CRACDL: variants seen among roughly 807,000 people sequenced by gnomAD.
CRACDL encodes CRACD-like protein.
Under a neutral mutation model 70.6 loss-of-function variants are expected in CRACDL, and 26 were observed. The ratio of observed to expected loss-of-function variants is 0.37; its 90% CI spans 0.27 to 0.51. The LOEUF (loss-of-function observed/expected upper bound fraction) is 0.51. Among genes scored for constraint, CRACDL ranks in the 20% least tolerant of loss-of-function variants. The probability of loss-of-function intolerance (pLI) is 0.94; values close to 1 mark genes in which losing one functional copy is unlikely to be tolerated. For missense variants in CRACDL, 1,283 were observed against 1,376.9 expected, an observed-to-expected ratio of 0.93 and a Z score of 1.08; for synonymous variants, 618 against 615.2, an observed-to-expected ratio of 1.00 and a Z score of -0.07.
chr2:98,826,943 C>A, intron 6 of CRACDL, 32 bp downstream of exon 6: 3 of 1,571,600 alleles, frequency 1.9e-6, no homozygotes, highest in Non-Finnish European at 2.6e-6. Context: ...CCTGCCTGGC[C>A]TGCCTCTGTG....
intron 1 of CRACDL, among the ~76,000 whole-genome samples, chr2:98,907,732 T>C (rs1708448796): frequency 6.6e-6 from 1 of 152,202 alleles, no homozygotes; most frequent in African/African-American, 2.4e-5. Context: ...TCGAAAACAG[T>C]TCCTTCATGC....
chr2:98,826,124 C>T (rs532538246), intron 6 of CRACDL, among the ~76,000 whole-genome samples: 7 of 152,278 alleles, frequency 4.6e-5, no homozygotes, highest in Admixed American at 2.0e-4. Flanking sequence ...ATGTGAACCT[C>T]GAACCTGCCA....
chr2:98,880,543 G>T (rs777068873), intron 1 of CRACDL, among the ~76,000 whole-genome samples: 5 of 152,172 alleles, frequency 3.3e-5, no homozygotes, highest in Admixed American at 1.3e-4. Flanking sequence ...CCCTTCTCTG[G>T]GCATCCTGAG....
At chr2:98,916,513 T>TTA (rs1553403734) in intron 1 of CRACDL, among the ~76,000 whole-genome samples, 3 of 152,052 alleles carry the variant, frequency 2.0e-5, no homozygotes, top group African/African-American at 7.3e-5. Context: ...CTGTTTTTTT[T>TTA]AAAAAATGCT....
At chr2:98,893,182 C>T (rs568614893) in intron 1 of CRACDL, among the ~76,000 whole-genome samples, 3 of 152,290 alleles carry the variant, frequency 2.0e-5, no homozygotes, top group East Asian at 1.9e-4. Flanking sequence ...CCTGAAAGTG[C>T]ACCTCTGTAG....
intron 6 of CRACDL, among the ~76,000 whole-genome samples, chr2:98,826,239 G>C (rs571535491): frequency 6.6e-6 from 1 of 152,186 alleles, no homozygotes; most frequent in Non-Finnish European, 1.5e-5. Flanking sequence ...GTCTTTCCGA[G>C]GCATGCTCCC....
chr2:98,847,005 T>C (rs1706286717), intron 1 of CRACDL, among the ~76,000 whole-genome samples, 195 bp from the exon 2 acceptor site: 1 of 152,236 alleles, frequency 6.6e-6, no homozygotes, highest in African/African-American at 2.4e-5. Flanking sequence ...CATAAGCGTT[T>C]AATCACTGAC....
intron 1 of CRACDL, among the ~76,000 whole-genome samples, chr2:98,858,406 T>C (rs1706794177): frequency 6.6e-6 from 1 of 151,050 alleles, no homozygotes; most frequent in South Asian, 2.1e-4. Flanking sequence ...TCCCAGCTAC[T>C]TGGGAGGCTG....
At position 98,794,466 on chromosome 2, in the gene CRACDL, C is replaced by T. The variant is rs1010720715; in HGVS notation, c.*66G>A. 7.2e-7 allele frequency: 1 copy of T among 1,391,858 alleles called. No homozygotes were observed. The highest frequency in any genetic ancestry group is 1.0e-6 in the Non-Finnish European group (1 of 988,342). 86.2% of individuals were successfully genotyped at this position (1,391,858 alleles called of 1,614,324 possible). A position where few individuals can be genotyped will look rare whatever the true frequency, so the allele number is the denominator to read the frequency against. ...GTTTCACAGTTTGTTTGCCACAATA[C>T]ACTGGCAGTTTTTAACTAAGTGGCT... On this transcript the variant is annotated 3_prime_UTR_variant, in exon 10 of 10. Transcript: ENST00000397899.
At chr2:98,927,014 G>A (rs1708923806) in intron 1 of CRACDL, among the ~76,000 whole-genome samples, 1 of 152,192 alleles carries the variant, frequency 6.6e-6, no homozygotes, top group Non-Finnish European at 1.5e-5. Context: ...GGAACTATTT[G>A]TGTGTGGCTT....
chr2:98,815,555 T>C (rs1423177810), intron 7 of CRACDL, among the ~76,000 whole-genome samples: 1 of 152,164 alleles, frequency 6.6e-6, no homozygotes, highest in African/African-American at 2.4e-5. Flanking sequence ...CCAACCACCA[T>C]ACCTGTTGCT....
chr2:98,887,768 T>C (rs374612985), intron 1 of CRACDL, among the ~76,000 whole-genome samples: 4 of 152,232 alleles, frequency 2.6e-5, no homozygotes, highest in African/African-American at 9.6e-5. Flanking sequence ...AAGAGAGAAG[T>C]GACTTATCAC....
intron 2 of CRACDL, chr2:98,840,715 T>C (rs1705992544): frequency 6.6e-6 from 1 of 152,204 alleles, no homozygotes; most frequent in South Asian, 2.1e-4. Flanking sequence ...TCTAGACAAA[T>C]TCTAAAAGAG....
intron 7 of CRACDL, among the ~76,000 whole-genome samples, chr2:98,810,949 G>A (rs928872948): frequency 1.3e-5 from 2 of 151,210 alleles, no homozygotes; most frequent in Admixed American, 6.6e-5. Context: ...AAAGAAAGAC[G>A]CGAGGCAGTT....
intron 7 of CRACDL, among the ~76,000 whole-genome samples, chr2:98,809,190 C>T (rs1221771054): frequency 1.3e-5 from 2 of 152,094 alleles, no homozygotes; most frequent in East Asian, 3.9e-4. Context: ...GACTCCTTTC[C>T]CGAGGGCTGA....
chr2:98,852,802 G>T (rs1706533004), intron 1 of CRACDL, among the ~76,000 whole-genome samples: 1 of 151,924 alleles, frequency 6.6e-6, no homozygotes, highest in Admixed American at 6.6e-5. Context: ...AAAAAGACTG[G>T]GAAAAAAGTG....
intron 7 of CRACDL, among the ~76,000 whole-genome samples, chr2:98,810,647 A>C (rs1294337612): frequency 6.6e-6 from 1 of 152,008 alleles, no homozygotes; most frequent in Non-Finnish European, 1.5e-5. Flanking sequence ...AGTGTTGATG[A>C]GGGGGTGGAG....
Position 98,832,434 on chromosome 2 carries a change from C to T in CRACDL, c.454G>A (p.Gly152Ser), listed in dbSNP as rs368108290. 11 of 1,613,956 alleles carry T rather than the reference C, an allele frequency of 6.8e-6. No individual in the cohort carries two copies. The highest frequency in any genetic ancestry group is 6.8e-6 in the Non-Finnish European group (8 of 1,179,942). The change falls in exon 5 of 10, where the codon GGC becomes AGC. Residue 152 changes from glycine (G) to serine (S), a missense_variant. Physicochemically the swap from Gly to Ser is moderately conservative, Grantham distance 56 (BLOSUM62 0). Around this residue, in one of 2 missense-constraint regions of CRACDL, gnomAD observed 362 missense variants for 495.0 expected, o/e 0.73. Coordinates refer to ENST00000397899, the MANE Select transcript of CRACDL (RefSeq NM_207362.3). ...AGCCCGTCGTCCTCAGAGCTCATGCCGGCATCCTCTCCCCGCTTGGCAGGA... is the reference window on the plus strand; with the variant it reads ...AGCCCGTCGTCCTCAGAGCTCATGCTGGCATCCTCTCCCCGCTTGGCAGGA... ...GLPAKRGEDAGMSSEDDGLPR... is the reference protein window; with the variant it reads ...GLPAKRGEDASMSSEDDGLPR...
chr2:98,868,606 G>A (rs911355434), intron 1 of CRACDL, among the ~76,000 whole-genome samples: 7 of 152,286 alleles, frequency 4.6e-5, no homozygotes, highest in Admixed American at 2.0e-4. Context: ...CAGGCAGAGC[G>A]TCTCCCAAGG....
Sources: gnomAD v4.1 joint callset for allele counts (sites outside exome capture counted in the v4.1 genomes callset) on GRCh38, gnomAD v4.1.1 for gene constraint, gnomAD v4.1.1 regional missense constraint, MANE v1.5 for transcripts, NCBI Gene and HGNC (gene_info 2026-07-23, HGNC 2026-07-21) for gene names.